Variants in CNTNAP2 observed in about 807,000 individuals in gnomAD.
CNTNAP2 encodes contactin associated protein 2.
In CNTNAP2, 98 loss-of-function variants were observed where a neutral mutation model predicts 155.2. The observed-to-expected ratio is 0.63, with a 90% CI of 0.54 to 0.75. CNTNAP2 has a LOEUF of 0.75. Among genes scored for constraint, CNTNAP2 ranks in the 30% least tolerant of loss-of-function variants. The pLI is 0.00. For synonymous variants in CNTNAP2, 651 were observed against 631.2 expected (o/e 1.03, Z -0.47); for missense variants, 1,727 against 1,688.1 (o/e 1.02, Z -0.40).
intron 8 of CNTNAP2, among the ~76,000 whole-genome samples, chr7:147,214,191 A>T (rs1198176167): frequency 6.6e-6 from 1 of 152,144 alleles, no homozygotes; most frequent in Non-Finnish European, 1.5e-5. Flanking sequence ...TCACATAAAA[A>T]CACCATACGT....
At chr7:147,200,258 A>G (rs996397513) in intron 8 of CNTNAP2, among the ~76,000 whole-genome samples, 11 of 152,196 alleles carry the variant, frequency 7.2e-5, no homozygotes, top group African/African-American at 2.7e-4. Flanking sequence ...AAGACTTGTG[A>G]GAGGGCTGAG....
intron 13 of CNTNAP2, among the ~76,000 whole-genome samples, chr7:147,808,491 A>T (rs1204406468): frequency 6.6e-6 from 1 of 152,070 alleles, no homozygotes; most frequent in East Asian, 1.9e-4. Context: ...GTATATTTGC[A>T]CTCATTCTCT....
At chr7:147,199,209 G>A (rs748821707) in intron 8 of CNTNAP2, among the ~76,000 whole-genome samples, 18 of 151,748 alleles carry the variant, frequency 1.2e-4, no homozygotes, top group Non-Finnish European at 1.9e-4. Flanking sequence ...TAATGCACCC[G>A]CCTTGGCCTC....
At chr7:146,555,946 A>G (rs1354911238) in intron 1 of CNTNAP2, among the ~76,000 whole-genome samples, 1 of 152,216 alleles carries the variant, frequency 6.6e-6, no homozygotes, top group African/African-American at 2.4e-5. Flanking sequence ...GCTGAAGCTC[A>G]GTGCCTAGCA....
At chr7:146,638,547 C>T (rs1448639608) in intron 1 of CNTNAP2, among the ~76,000 whole-genome samples, 8 of 121,418 alleles carry the variant, frequency 6.6e-5, no homozygotes, top group South Asian at 2.9e-4. Flanking sequence ...TACAGTGGTT[C>T]GATTTCGGCT....
chr7:147,295,987 C>G (rs540664388), intron 8 of CNTNAP2, among the ~76,000 whole-genome samples: 2 of 152,012 alleles, frequency 1.3e-5, no homozygotes, highest in African/African-American at 4.8e-5. Flanking sequence ...GAATAATAGA[C>G]CTTTTGCCAT....
intron 3 of CNTNAP2, among the ~76,000 whole-genome samples, chr7:146,977,679 A>T (rs1469273163): frequency 6.6e-6 from 1 of 152,336 alleles, no homozygotes; most frequent in African/African-American, 2.4e-5. Flanking sequence ...CTGGCATTTG[A>T]TGTGGAACAT....
rs1330923406 is a variant in CNTNAP2, at chr7:148,416,743, A to G, written c.*1127A>G. ...GAAAACACTGCCATATTTTAAATCA[A>G]CTACTCCACGTGTTTTTCCATCCAA... On this transcript the variant is annotated 3_prime_UTR_variant, in exon 24 of 24. Coordinates refer to ENST00000361727, the MANE Select transcript of CNTNAP2 (RefSeq NM_014141.6). 2.0e-5 allele frequency: 3 copies of G among 152,572 alleles called. No individual in the cohort carries two copies. The East Asian group carries it at 5.8e-4, about 29-fold the overall frequency. 9.5% of individuals were successfully genotyped at this position (152,572 alleles called of 1,614,324 possible).
intron 14 of CNTNAP2, among the ~76,000 whole-genome samples, chr7:147,957,536 G>A (rs1486072158): frequency 6.6e-6 from 1 of 152,136 alleles, no homozygotes; most frequent in Non-Finnish European, 1.5e-5. Flanking sequence ...GGTGGCTGAA[G>A]TGCAATCGGA....
intron 13 of CNTNAP2, among the ~76,000 whole-genome samples, chr7:147,795,491 G>T (rs1169393516): frequency 1.3e-5 from 2 of 151,396 alleles, no homozygotes; most frequent in African/African-American, 4.9e-5. Context: ...AATTTTATTT[G>T]TCAGCTTTCG....
At chr7:148,346,178 G>A (rs1234967457) in intron 21 of CNTNAP2, among the ~76,000 whole-genome samples, 1 of 152,116 alleles carries the variant, frequency 6.6e-6, no homozygotes, top group Non-Finnish European at 1.5e-5. Flanking sequence ...CCTGAACTCT[G>A]AGTATCAGGC....
chr7:147,969,284 C>G (rs113694422), intron 14 of CNTNAP2, among the ~76,000 whole-genome samples: 208 of 152,266 alleles, frequency 1.4e-3, no homozygotes, highest in African/African-American at 4.9e-3. Context: ...CTCCTGAGCT[C>G]AAGTGATCCT....
intron 10 of CNTNAP2, among the ~76,000 whole-genome samples, chr7:147,449,719 T>C (rs1393577699): frequency 6.6e-6 from 1 of 152,184 alleles, no homozygotes. Context: ...ATCTAATTCT[T>C]AGAATGGAGC....
At chr7:147,074,940 T>A (rs948862308) in intron 4 of CNTNAP2, among the ~76,000 whole-genome samples, 1 of 152,142 alleles carries the variant, frequency 6.6e-6, no homozygotes, top group African/African-American at 2.4e-5. Flanking sequence ...AATACATTTA[T>A]AACCAAGCTC....
chr7:146,648,313 C>T (rs1413023961), intron 1 of CNTNAP2, among the ~76,000 whole-genome samples: 1 of 151,986 alleles, frequency 6.6e-6, no homozygotes, highest in Non-Finnish European at 1.5e-5. Flanking sequence ...ATATTTTCCC[C>T]ATGGGAAAGA....
intron 3 of CNTNAP2, among the ~76,000 whole-genome samples, chr7:146,911,398 A>C (rs571107753): frequency 6.6e-6 from 1 of 152,104 alleles, no homozygotes; most frequent in African/African-American, 2.4e-5. Context: ...AAAGACTTGG[A>C]ACCAACCCAA....
chr7:146,527,656 A>G (rs1797710572), intron 1 of CNTNAP2, among the ~76,000 whole-genome samples: 1 of 152,022 alleles, frequency 6.6e-6, no homozygotes, highest in Non-Finnish European at 1.5e-5. Flanking sequence ...CAGCCTATGC[A>G]TCAGAATCCA....
At chr7:146,925,524 G>C (rs191138782) in intron 3 of CNTNAP2, among the ~76,000 whole-genome samples, 2 of 152,150 alleles carry the variant, frequency 1.3e-5, no homozygotes, top group East Asian at 3.9e-4. Flanking sequence ...TGTTAATTAT[G>C]TTGTTATGTT....
intron 13 of CNTNAP2, among the ~76,000 whole-genome samples, chr7:147,780,963 T>C (rs1797653125): frequency 6.6e-6 from 1 of 152,162 alleles, no homozygotes; most frequent in African/African-American, 2.4e-5. Flanking sequence ...TTCCTCTGAA[T>C]AGAGAAATCC....
Sources: allele counts gnomAD v4.1 joint callset (sites outside exome capture counted in the v4.1 genomes callset), GRCh38; gene constraint gnomAD v4.1.1; transcripts MANE v1.5; gene names NCBI Gene and HGNC (gene_info 2026-07-23, HGNC 2026-07-21).